The following DCAF16 variants were observed in gnomAD, a reference collection of about 807,000 sequenced individuals.
DCAF16 encodes DDB1 and CUL4 associated factor 16, also known as DDB1- and CUL4-associated factor 16.
In DCAF16, 10 loss-of-function variants were observed where a neutral mutation model predicts 17.3. The ratio of observed to expected loss-of-function variants is 0.58; its 90% CI spans 0.36 to 0.98. DCAF16 has a LOEUF of 0.98. Among genes scored for constraint, DCAF16 ranks in the 50% least tolerant of loss-of-function variants. The pLI is 0.01. For missense variants in DCAF16, 249 were observed against 247.6 expected (o/e 1.01, Z -0.04); for synonymous variants, 111 against 92.8 (o/e 1.20, Z -1.12).
In DCAF16 at chr4:17,802,534, A is replaced by G. The variant is rs1000219646; in HGVS notation, c.*957T>C. On this transcript the variant is annotated 3_prime_UTR_variant, in exon 3 of 3. Coordinates refer to ENST00000382247, the MANE Select transcript of DCAF16 (RefSeq NM_017741.4). ...CCAAAAAAAAGAAAAAGTGAAAGGA[A>G]CTCTAAAGAGTGTCATATGCAGGCA... The G allele has an allele frequency of 6.6e-6, 1 of 151,836 alleles. No individual in the cohort carries two copies. Among genetic ancestry groups the G allele is most frequent in the African/African-American group, 2.4e-5 (1 of 41,312 alleles). 9.4% of individuals were successfully genotyped at this position (151,836 alleles called of 1,614,324 possible). A position where few individuals can be genotyped will look rare whatever the true frequency, so the allele number is the denominator to read the frequency against.
chr4:17,797,428 G>T (rs1719478993), downstream of DCAF16, among the ~76,000 whole-genome samples: 1 of 152,166 alleles, frequency 6.6e-6, no homozygotes, highest in Admixed American at 6.5e-5. Flanking sequence ...TCCCAAGTAG[G>T]ATGTGACAAC....
chr4:17,800,283 T>C (rs1471118467), downstream of DCAF16, among the ~76,000 whole-genome samples: 4 of 152,200 alleles, frequency 2.6e-5, no homozygotes, highest in Non-Finnish European at 4.4e-5. Context: ...CTTTTTATCT[T>C]AATTATGGTG....
In DCAF16 at chr4:17,804,179, A is replaced by C. The variant is rs765501850; in HGVS notation, c.-38T>G. The C allele has an allele frequency of 6.5e-7, 1 of 1,544,286 alleles. No individual in the cohort carries two copies. Among genetic ancestry groups the C allele is most frequent in the South Asian group, 1.2e-5 (1 of 83,770 alleles). ...CAGTAAGGAACCAGAAAAAGGTAATAATCTAAGCCAGCAGAACACTGACTA... is the reference window on the plus strand; with the variant it reads ...CAGTAAGGAACCAGAAAAAGGTAATCATCTAAGCCAGCAGAACACTGACTA... On this transcript the variant is annotated 5_prime_UTR_variant, in exon 3 of 3. In the 5' UTR this introduces an upstream ATG that the reference lacks. Transcript: ENST00000382247.
In DCAF16 at chr4:17,801,262, G is replaced by A. The variant is rs886669143; in HGVS notation, c.*2229C>T. On this transcript the variant is annotated 3_prime_UTR_variant, in exon 3 of 3. Transcript: ENST00000382247. ...TCCTGTCTTAGCCTCCCAAGTAGCT[G>A]CGATTACAGGCACATGCCACCACGC... 1.3e-5 allele frequency: 2 copies of A among 152,024 alleles called. No individual in the cohort carries two copies. The highest frequency in any genetic ancestry group is 2.4e-5 in the African/African-American group (1 of 41,336). The allele number at this position is 152,024 out of a possible 1,614,324, so 9.4% of individuals were successfully genotyped here.
chr4:17,794,885 C>T, the DCAF16 span, among the ~76,000 whole-genome samples: 1 of 152,058 alleles, frequency 6.6e-6, no homozygotes, highest in Non-Finnish European at 1.5e-5. Flanking sequence ...TACTTTGTTC[C>T]CAGTTTTCCT....
chr4:17,796,355 T>C (rs914108055), downstream of DCAF16, among the ~76,000 whole-genome samples: 1 of 151,732 alleles, frequency 6.6e-6, no homozygotes, highest in Non-Finnish European at 1.5e-5. Context: ...GTATTTTTTG[T>C]TTTTAAAGAG....
intron 1 of DCAF16, among the ~76,000 whole-genome samples, chr4:17,808,471 G>C (rs1270679422): frequency 1.3e-5 from 2 of 152,122 alleles, no homozygotes; most frequent in African/African-American, 4.8e-5. Flanking sequence ...CAGTACAAAA[G>C]TCAGGAAAAA....
At chr4:17,807,572 G>C (rs766233609) in intron 1 of DCAF16, among the ~76,000 whole-genome samples, 1 of 152,138 alleles carries the variant, frequency 6.6e-6, no homozygotes, top group African/African-American at 2.4e-5. Flanking sequence ...CTACTTTTGG[G>C]CATAGATAGC....
chr4:17,804,799 G>A (rs1198520397), intron 2 of DCAF16, 28 bp from the exon 3 acceptor site: 1 of 167,286 alleles, frequency 6.0e-6, no homozygotes, highest in Non-Finnish European at 1.5e-5. Context: ...AAGCCTGAAA[G>A]CACTGGATAA....
intron 1 of DCAF16, among the ~76,000 whole-genome samples, chr4:17,808,732 T>C (rs934388992): frequency 6.6e-5 from 10 of 152,128 alleles, no homozygotes; most frequent in African/African-American, 1.9e-4. Flanking sequence ...AAATAGAATA[T>C]AGTAAAGAAA....
At chr4:17,807,063 T>C (rs562789526) in intron 1 of DCAF16, among the ~76,000 whole-genome samples, 1 of 152,258 alleles carries the variant, frequency 6.6e-6, no homozygotes, top group East Asian at 1.9e-4. Flanking sequence ...TTAATACATA[T>C]ACATATAATG....
rs1719802946 is a variant in DCAF16 at position 17,801,675 on chromosome 4, T to C, written c.*1816A>G. ...TGATTTCTACGTTTTGACTGACTATTTAAATAAACAAAACAAGACTCATTT... is the reference window on the plus strand; with the variant it reads ...TGATTTCTACGTTTTGACTGACTATCTAAATAAACAAAACAAGACTCATTT... On this transcript the variant is annotated 3_prime_UTR_variant, in exon 3 of 3. Coordinates refer to ENST00000382247, the MANE Select transcript of DCAF16 (RefSeq NM_017741.4). 6.6e-6 allele frequency: 1 copy of C among 152,190 alleles called. No homozygotes were observed. Among genetic ancestry groups the C allele is most frequent in the African/African-American group, 2.4e-5 (1 of 41,442 alleles). The allele number at this position is 152,190 out of a possible 1,614,324, so 9.4% of individuals were successfully genotyped here. A position where few individuals can be genotyped will look rare whatever the true frequency, so the allele number is the denominator to read the frequency against.
intron 2 of DCAF16, 24 bp from the exon 3 acceptor site, chr4:17,804,795 G>A (rs1041221329): frequency 9.0e-5 from 15 of 167,376 alleles, no homozygotes; most frequent in Admixed American, 8.5e-4. Flanking sequence ...ATTAAAGCCT[G>A]AAAGCACTGG....
chr4:17,804,943 T>C (rs970854883), intron 2 of DCAF16, among the ~76,000 whole-genome samples, 164 bp downstream of exon 2: 2 of 152,268 alleles, frequency 1.3e-5, no homozygotes, highest in East Asian at 1.9e-4. Context: ...ACAATCACAA[T>C]ATTGGGGAGC....
At chr4:17,793,552 A>T in the DCAF16 span, among the ~76,000 whole-genome samples, 2 of 152,146 alleles carry the variant, frequency 1.3e-5, no homozygotes, top group South Asian at 4.1e-4. Context: ...AATAGTCTAT[A>T]ACAATAAAAA....
chr4:17,808,687 CAA>C (rs1720546095), intron 1 of DCAF16, among the ~76,000 whole-genome samples: 1 of 151,534 alleles, frequency 6.6e-6, no homozygotes, highest in African/African-American at 2.4e-5. Flanking sequence ...CTGTAACTGA[CAA>C]AATGGTGTGA....
At chr4:17,795,514 T>C in the DCAF16 span, among the ~76,000 whole-genome samples, 1 of 152,212 alleles carries the variant, frequency 6.6e-6, no homozygotes, top group Non-Finnish European at 1.5e-5. Flanking sequence ...TTGCATCTTA[T>C]TCAGGTTTAA....
the DCAF16 span, among the ~76,000 whole-genome samples, chr4:17,794,131 G>A: frequency 2.6e-5 from 4 of 152,006 alleles, no homozygotes; most frequent in African/African-American, 4.8e-5. Flanking sequence ...AAACAGTATC[G>A]AATTTCAGAA....
Position 17,804,192 on chromosome 4 carries a change from A to G in DCAF16, c.-51T>C, listed in dbSNP as rs777774689. ...GAAAAAGGTAATAATCTAAGCCAGC[A>G]GAACACTGACTAACACTGGCAAATA... On this transcript the variant is annotated 5_prime_UTR_variant, in exon 3 of 3. Coordinates refer to ENST00000382247, the MANE Select transcript of DCAF16 (RefSeq NM_017741.4). 4 of 1,447,166 alleles carry G rather than the reference A, an allele frequency of 2.8e-6. No homozygotes were observed. The African/African-American group carries it at 7.0e-5, about 25-fold the overall frequency. The allele number at this position is 1,447,166 out of a possible 1,614,324, so 89.6% of individuals were successfully genotyped here.
Sources: gnomAD v4.1 joint callset for allele counts (sites outside exome capture counted in the v4.1 genomes callset) on GRCh38, gnomAD v4.1.1 for gene constraint, MANE v1.5 for transcripts, NCBI Gene and HGNC (gene_info 2026-07-23, HGNC 2026-07-21) for gene names.